The following ZNF609 variants were observed in gnomAD, a reference collection of about 807,000 sequenced individuals.
ZNF609 encodes the protein zinc finger protein 609.
Under a neutral mutation model 109.5 loss-of-function variants are expected in ZNF609, and 11 were observed. The observed-to-expected ratio is 0.10, with a 90% CI of 0.06 to 0.17. The LOEUF (loss-of-function observed/expected upper bound fraction) is 0.17, where lower values mean the gene tolerates loss of function less well. Among genes scored for constraint, ZNF609 ranks in the 10% least tolerant of loss-of-function variants. The pLI is 1.00. For missense variants in ZNF609, 1,559 were observed against 1,772.4 expected, an observed-to-expected ratio of 0.88 and a Z score of 2.16; for synonymous variants, 646 against 662.0, an observed-to-expected ratio of 0.98 and a Z score of 0.37.
intron 1 of ZNF609, among the ~76,000 whole-genome samples, chr15:64,479,858 G>T (rs1893227603): frequency 6.6e-6 from 1 of 152,034 alleles, no homozygotes; most frequent in Admixed American, 6.5e-5. Context: ...GGCAGAGGTT[G>T]TAGTGAGCCA....
chr15:64,475,563 A>G (rs958906149), intron 1 of ZNF609, among the ~76,000 whole-genome samples: 2 of 151,234 alleles, frequency 1.3e-5, no homozygotes, highest in Non-Finnish European at 2.9e-5. Flanking sequence ...TAATTTTTGT[A>G]TTTTAGTAGA....
At chr15:64,487,952 G>A (rs556521781) in intron 1 of ZNF609, among the ~76,000 whole-genome samples, 1 of 152,118 alleles carries the variant, frequency 6.6e-6, no homozygotes, top group Non-Finnish European at 1.5e-5. Flanking sequence ...GGTGTTTTAA[G>A]TGTGACACTT....
chr15:64,507,181 A>C (rs1893649914), intron 2 of ZNF609, among the ~76,000 whole-genome samples: 2 of 152,198 alleles, frequency 1.3e-5, no homozygotes, highest in Admixed American at 1.3e-4. Flanking sequence ...GTTTTGCCGG[A>C]ATATGCAATC....
intron 2 of ZNF609, among the ~76,000 whole-genome samples, chr15:64,532,453 T>G (rs1050960098): frequency 9.2e-5 from 14 of 152,232 alleles, no homozygotes; most frequent in Admixed American, 3.3e-4. Context: ...AAATATTTAT[T>G]AAACATATGA....
At chr15:64,518,992 A>G (rs533628826) in intron 2 of ZNF609, among the ~76,000 whole-genome samples, 64 of 152,110 alleles carry the variant, frequency 4.2e-4, no homozygotes, top group African/African-American at 1.5e-3. Context: ...TTAGTAGGGG[A>G]GATAGAATGG....
At chr15:64,654,807 G>A (rs1051782810) in intron 3 of ZNF609, among the ~76,000 whole-genome samples, 1 of 152,118 alleles carries the variant, frequency 6.6e-6, no homozygotes, top group Admixed American at 6.6e-5. Context: ...AAAGCATAGC[G>A]CCAAGTGGGC....
intron 2 of ZNF609, among the ~76,000 whole-genome samples, chr15:64,545,106 T>G (rs1249319697): frequency 1.3e-5 from 2 of 152,250 alleles, no homozygotes; most frequent in African/African-American, 4.8e-5. Flanking sequence ...CTCTCCTGTC[T>G]GTACATTTAG....
intron 2 of ZNF609, chr15:64,528,732 C>T: frequency 9.6e-7 from 1 of 1,041,460 alleles, no homozygotes; most frequent in Non-Finnish European, 1.5e-6. Context: ...AATTCATTGT[C>T]ATACCAGGAA....
chr15:64,510,574 G>T (rs1027790202), intron 2 of ZNF609, among the ~76,000 whole-genome samples: 3 of 152,014 alleles, frequency 2.0e-5, no homozygotes, highest in African/African-American at 7.3e-5. Flanking sequence ...TCATAGGTAC[G>T]TACGTAGAGG....
chr15:64,474,895 T>G (rs1419294969), intron 1 of ZNF609, among the ~76,000 whole-genome samples: 1 of 152,186 alleles, frequency 6.6e-6, no homozygotes, highest in East Asian at 1.9e-4. Context: ...CAAGGTTCTT[T>G]ATGATTTGAC....
In ZNF609 at chr15:64,682,626, G is replaced by C. The variant is rs1164884008; in HGVS notation, c.*940G>C. 2.0e-5 allele frequency: 3 copies of C among 152,750 alleles called. No individual in the cohort carries two copies. The highest frequency in any genetic ancestry group is 4.4e-5 in the Non-Finnish European group (3 of 68,118). 9.5% of individuals were successfully genotyped at this position (152,750 alleles called of 1,614,324 possible). On this transcript the variant is annotated 3_prime_UTR_variant, in exon 10 of 10. Transcript: ENST00000326648. ...TCCACTGCTTGGCTCTTAAGCCTCA[G>C]GCAGATAAACTAGTATTCCCCCCAG...
At chr15:64,648,516 T>A (rs918272713) in intron 3 of ZNF609, among the ~76,000 whole-genome samples, 10 of 152,044 alleles carry the variant, frequency 6.6e-5, no homozygotes, top group Admixed American at 5.3e-4. Context: ...ATACAGGCTT[T>A]AGTTGAGAGT....
chr15:64,481,320 T>A (rs2140337462), intron 1 of ZNF609, among the ~76,000 whole-genome samples: 1 of 99,568 alleles, frequency 1.0e-5, no homozygotes, highest in Middle Eastern at 4.8e-3. Context: ...TTCTTTTTTC[T>A]TTTTTTTTTT....
chr15:64,590,051 G>A (rs1895267599), intron 2 of ZNF609, among the ~76,000 whole-genome samples: 1 of 152,144 alleles, frequency 6.6e-6, no homozygotes, highest in African/African-American at 2.4e-5. Flanking sequence ...GCTGGATGGA[G>A]AAGGTAAGAA....
Position 64,601,616 on chromosome 15 carries a change from T to G in ZNF609, c.748-21211T>G, listed in dbSNP as rs905522854. ...TCTGACATAGCACCTTGAGTTTTAT[T>G]GAGCTCAAACATTTAAGTCCAAATT... is the stretch of plus-strand genomic sequence containing the variant. On this transcript the variant is annotated intron_variant, in intron 2 of 9. Coordinates refer to ENST00000326648, the MANE Select transcript of ZNF609 (RefSeq NM_015042.2). 2.6e-5 allele frequency among the ~76,000 whole-genome samples: 4 copies of G among 152,352 alleles called. No homozygotes were observed. In the East Asian group the frequency reaches 7.7e-4, roughly 29 times the overall value.
chr15:64,557,490 G>C (rs1035565740), intron 2 of ZNF609, among the ~76,000 whole-genome samples: 22 of 151,874 alleles, frequency 1.4e-4, no homozygotes, highest in African/African-American at 5.3e-4. Context: ...AAATTCCCAG[G>C]GCAATGAATA....
chr15:64,495,996 A>G (rs957550293), intron 1 of ZNF609, among the ~76,000 whole-genome samples: 56 of 151,670 alleles, frequency 3.7e-4, no homozygotes, highest in African/African-American at 1.3e-3. Flanking sequence ...TTTTTGTATT[A>G]TTAGTAGAGA....
chr15:64,678,494 A>G lies in ZNF609; in HGVS notation c.3769+12A>G, dbSNP rs1896838404. Reference sequence around the variant, plus strand: ...GCAGAACTACCCAGGTACAGCACCAAGTGCCAGCACTATTCCATTCACTGG... The same window carrying G: ...GCAGAACTACCCAGGTACAGCACCAGGTGCCAGCACTATTCCATTCACTGG... On this transcript the variant is annotated intron_variant, in intron 6 of 9. Transcript: ENST00000326648. 6.4e-7 allele frequency: 1 copy of G among 1,557,970 alleles called. No homozygotes were observed. The highest frequency in any genetic ancestry group is 1.9e-5 in the Admixed American group (1 of 52,890).
intron 3 of ZNF609, among the ~76,000 whole-genome samples, chr15:64,625,049 C>T (rs1194370449): frequency 1.3e-5 from 2 of 152,168 alleles, no homozygotes; most frequent in South Asian, 2.1e-4. Context: ...TGAGCTACCA[C>T]ACCCAGCCCA....
Sources: gnomAD v4.1 joint callset for allele counts (sites outside exome capture counted in the v4.1 genomes callset) on GRCh38, gnomAD v4.1.1 for gene constraint, MANE v1.5 for transcripts, NCBI Gene and HGNC (gene_info 2026-07-23, HGNC 2026-07-21) for gene names.